The following ALPK2 variants were observed in gnomAD, a reference collection of about 807,000 sequenced individuals.
ALPK2 encodes alpha-protein kinase 2.
Under a neutral mutation model 163.1 loss-of-function variants are expected in ALPK2, and 127 were observed. That is an observed-to-expected ratio of 0.78 (90% confidence interval 0.67 to 0.90). The LOEUF (loss-of-function observed/expected upper bound fraction) is 0.90, where lower values mean the gene tolerates loss of function less well. ALPK2 is among the 40% of genes least tolerant of loss of function. ALPK2 has a pLI of 0.00. For synonymous variants in ALPK2, 953 were observed against 959.1 expected (o/e 0.99, Z 0.12); for missense variants, 2,360 against 2,589.6 (o/e 0.91, Z 1.92).
chr18:58,612,683 T>G (rs925233046), intron 1 of ALPK2, among the ~76,000 whole-genome samples: 1 of 152,180 alleles, frequency 6.6e-6, no homozygotes, highest in Non-Finnish European at 1.5e-5. Flanking sequence ...CTTGCACAAG[T>G]ATGAGCCAGC....
At chr18:58,620,757 G>A (rs1038237442) in intron 1 of ALPK2, among the ~76,000 whole-genome samples, 1 of 152,206 alleles carries the variant, frequency 6.6e-6, no homozygotes, top group African/African-American at 2.4e-5. Context: ...TCACTGCGGC[G>A]TTGCCTGTGA....
In ALPK2 at chr18:58,590,501, C is replaced by T. The variant is rs574979737; in HGVS notation, c.228-9953G>A. On this transcript the variant is annotated intron_variant, in intron 3 of 12. Coordinates refer to ENST00000361673, the MANE Select transcript of ALPK2 (RefSeq NM_052947.4). ...AAGAGGGCTCCACTCAATAAATAAT[C>T]ACATGATGACATCCGTGTCCTTTCC... 2.6e-3 allele frequency among the ~76,000 whole-genome samples: 401 copies of T among 152,304 alleles called. 7 individuals carry two copies. In the South Asian group the frequency reaches 0.029, roughly 11 times the overall value.
intron 4 of ALPK2, among the ~76,000 whole-genome samples, chr18:58,541,536 G>T (rs1179885912): frequency 6.6e-6 from 1 of 152,150 alleles, no homozygotes; most frequent in Non-Finnish European, 1.5e-5. Context: ...AAATACCCTA[G>T]TGAATCTCCA....
chr18:58,523,744 G>A, intron 8 of ALPK2, 62 bp downstream of exon 8: 2 of 1,598,712 alleles, frequency 1.3e-6, no homozygotes, highest in East Asian at 2.2e-5. Flanking sequence ...TTTCCTCTGG[G>A]AGCTATTTTA....
intron 1 of ALPK2, among the ~76,000 whole-genome samples, chr18:58,619,394 A>G (rs34544547): frequency 0.16 from 24,406 of 152,236 alleles, 2,396 homozygotes; most frequent in Middle Eastern, 0.24. Context: ...GATTTGCTGG[A>G]GTGGAATATT....
Position 58,524,951 on chromosome 18 carries a change from C to CAAAA in ALPK2, c.5502-893_5502-890dup, listed in dbSNP as rs377122433. On this transcript the variant is annotated intron_variant, in intron 6 of 12. Coordinates refer to ENST00000361673, the MANE Select transcript of ALPK2 (RefSeq NM_052947.4). The stretch of plus-strand genomic sequence containing the variant: ...CTCAAACAAAAAACTTACTCTACAG[C>CAAAA]AAAAAAAAAAAAAAAAAAAGGATAT... Among the ~76,000 whole-genome samples, 152 of 106,080 alleles carry CAAAA rather than the reference C, an allele frequency of 1.4e-3. 2 individuals carry two copies. Among genetic ancestry groups the CAAAA allele is most frequent in the African/African-American group, 3.6e-3 (103 of 28,816 alleles). The allele number at this position is 106,080 out of a possible 152,430, so 69.6% of individuals were successfully genotyped here. A position where few individuals can be genotyped will look rare whatever the true frequency, so the allele number is the denominator to read the frequency against.
intron 2 of ALPK2, among the ~76,000 whole-genome samples, chr18:58,610,111 TA>T (rs1334258754): frequency 2.0e-5 from 3 of 151,682 alleles, no homozygotes; most frequent in Non-Finnish European, 4.4e-5. Flanking sequence ...CCCATTCTAC[TA>T]AAAATACAAA....
chr18:58,507,459 G>A (rs964331330), intron 10 of ALPK2, among the ~76,000 whole-genome samples: 8 of 152,182 alleles, frequency 5.3e-5, no homozygotes, highest in Admixed American at 2.0e-4. Flanking sequence ...AGTTGTGGGG[G>A]TAGCAGAGAT....
rs960186681 is a variant in ALPK2 at position 58,596,524 on chromosome 18, C to A, written c.227+10798G>T. Among the ~76,000 whole-genome samples, 7 of 152,214 alleles carry A rather than the reference C, an allele frequency of 4.6e-5. No individual in the cohort carries two copies. In the South Asian group the frequency reaches 1.5e-3, roughly 32 times the overall value. On this transcript the variant is annotated intron_variant, in intron 3 of 12. Transcript: ENST00000361673. ...CGCAGGGAATGGGAAGTGACAAGGA[C>A]AGAAAGGGAGCAGTCACTGACACCC...
chr18:58,529,318 G>C lies in ALPK2; in HGVS notation c.5354-80C>G, dbSNP rs750798438. On this transcript the variant is annotated intron_variant, in intron 5 of 12. Transcript: ENST00000361673. ...CATTTAATTCTCATAACAATCCTGA[G>C]AGACAGGAATATTAATTATTATCCC... The C allele has an allele frequency of 4.4e-5, 59 of 1,353,236 alleles. 1 individual carries two copies. Among genetic ancestry groups the C allele is most frequent in the Non-Finnish European group, 5.5e-5 (55 of 993,424 alleles). The allele number at this position is 1,353,236 out of a possible 1,614,324, so 83.8% of individuals were successfully genotyped here.
In ALPK2 at chr18:58,534,763, A is replaced by G. The variant is rs2051634015; in HGVS notation, c.5353+71T>C. On this transcript the variant is annotated intron_variant, in intron 5 of 12. Coordinates refer to ENST00000361673, the MANE Select transcript of ALPK2 (RefSeq NM_052947.4). ...TGGCCTTAATTGCAAAGGACCCTCG[A>G]GGACACAGGAACTGGATACCTGGTC... is the stretch of plus-strand genomic sequence containing the variant. 3 of 1,520,792 alleles carry G rather than the reference A, an allele frequency of 2.0e-6. No individual in the cohort carries two copies. The African/African-American group carries it at 4.2e-5, about 21-fold the overall frequency. The allele number at this position is 1,520,792 out of a possible 1,614,324, so 94.2% of individuals were successfully genotyped here.
chr18:58,522,690 A>G (rs962474485), intron 8 of ALPK2, among the ~76,000 whole-genome samples: 10 of 152,338 alleles, frequency 6.6e-5, no homozygotes, highest in African/African-American at 1.2e-4. Flanking sequence ...AGCTGTAATA[A>G]GTCCCAGTAG....
intron 4 of ALPK2, among the ~76,000 whole-genome samples, chr18:58,539,703 A>T (rs948593558): frequency 2.0e-5 from 3 of 152,182 alleles, no homozygotes; most frequent in Non-Finnish European, 4.4e-5. Context: ...GTATGACAAA[A>T]CAGAGCTGAA....
At chr18:58,628,480 G>A (rs560345354) in intron 1 of ALPK2, among the ~76,000 whole-genome samples, 1 of 152,218 alleles carries the variant, frequency 6.6e-6, no homozygotes, top group African/African-American at 2.4e-5. Flanking sequence ...GACATGATGT[G>A]AAAGAAACTG....
chr18:58,626,487 A>G (rs1265004257), intron 1 of ALPK2, among the ~76,000 whole-genome samples: 1 of 152,006 alleles, frequency 6.6e-6, no homozygotes, highest in Non-Finnish European at 1.5e-5. Flanking sequence ...CTCGACTATA[A>G]TCTTTGAGGA....
At chr18:58,600,058 AC>A (rs1185432049) in intron 3 of ALPK2, among the ~76,000 whole-genome samples, 1 of 73,658 alleles carries the variant, frequency 1.4e-5, no homozygotes, top group Non-Finnish European at 2.5e-5. Flanking sequence ...TTTTTTTGAG[AC>A]AGAGTCTCGC....
intron 12 of ALPK2, among the ~76,000 whole-genome samples, chr18:58,482,661 A>G (rs9948045): frequency 0.33 from 49,809 of 151,928 alleles, 9,033 homozygotes; most frequent in African/African-American, 0.49. Flanking sequence ...CTCTGGCAGA[A>G]CCTTTGTCTC....
chr18:58,481,980 T>G lies in ALPK2; in HGVS notation c.6356A>C (p.His2119Pro), dbSNP rs1010936359. 1 of 1,614,214 alleles carries G rather than the reference T, an allele frequency of 6.2e-7. No homozygotes were observed. Residue 2119 changes from histidine to proline, a missense_variant, in exon 13 of 13, where the codon CAC becomes CCC. Physicochemically the swap from His to Pro is moderately conservative, Grantham distance 77. Transcript: ENST00000361673. The part of the protein sequence containing the change: ...MTFIDQFKAL[H>P]QCNKYCKMLG... ...CATTTTGCAATACTTGTTACACTGG[T>G]GTAGTGCTTTAAACTGATCAATGAA...
chr18:58,622,118 A>C (rs1369139040), intron 1 of ALPK2, among the ~76,000 whole-genome samples: 2 of 152,004 alleles, frequency 1.3e-5, no homozygotes, highest in Non-Finnish European at 2.9e-5. Context: ...AGGCCGAGGC[A>C]GGCAGATCAC....
Sources: gnomAD v4.1 joint callset for allele counts (sites outside exome capture counted in the v4.1 genomes callset) on GRCh38, gnomAD v4.1.1 for gene constraint, MANE v1.5 for transcripts, NCBI Gene and HGNC (gene_info 2026-07-23, HGNC 2026-07-21) for gene names.